The following RORA variants were observed in gnomAD, a reference collection of about 807,000 sequenced individuals.
RORA encodes the protein nuclear receptor ROR-alpha.
RORA carries 7 observed loss-of-function variants against 69.5 expected under a neutral mutation model. The ratio of observed to expected loss-of-function variants is 0.10; its 90% CI spans 0.06 to 0.19. The LOEUF (loss-of-function observed/expected upper bound fraction) is 0.19. Ranked by LOEUF, RORA falls within the 10% of genes least tolerant of loss-of-function variation. The pLI, the probability that RORA is intolerant of heterozygous loss-of-function variation, is 1.00. For missense variants in RORA, 457 were observed against 663.0 expected, an observed-to-expected ratio of 0.69 and a Z score of 3.41; for synonymous variants, 261 against 240.8, an observed-to-expected ratio of 1.08 and a Z score of -0.78.
At position 60,597,597 on chromosome 15, in the gene RORA, CATATAT is replaced by C. The variant is rs1213736725; in HGVS notation, c.197-65752_197-65747del. 2.0e-3 allele frequency among the ~76,000 whole-genome samples: 62 copies of C among 31,360 alleles called. 14 individuals carry two copies. The highest frequency in any genetic ancestry group is 3.5e-3 in the Admixed American group (7 of 2,020). 20.6% of individuals were successfully genotyped at this position (31,360 alleles called of 152,430 possible). A position where few individuals can be genotyped will look rare whatever the true frequency, so the allele number is the denominator to read the frequency against. On this transcript the variant is annotated intron_variant, in intron 2 of 10. Coordinates refer to ENST00000335670, the MANE Select transcript of RORA (RefSeq NM_134261.3). ...ATACACATATATATATATATATACA[CATATAT>C]ATATATATATATATACATACATATA...
At chr15:60,652,477 G>A (rs1424621466) in intron 2 of RORA, among the ~76,000 whole-genome samples, 2 of 152,152 alleles carry the variant, frequency 1.3e-5, no homozygotes, top group African/African-American at 2.4e-5. Flanking sequence ...CGGATGCAGG[G>A]TGGTAGATCC....
At chr15:60,889,756 C>T (rs903034423) in intron 1 of RORA, among the ~76,000 whole-genome samples, 2 of 152,228 alleles carry the variant, frequency 1.3e-5, no homozygotes, top group Admixed American at 1.3e-4. Context: ...GTTTCCACCT[C>T]CTCCCCTTCA....
At chr15:60,828,580 A>C (rs1471018879) in intron 1 of RORA, among the ~76,000 whole-genome samples, 1 of 152,156 alleles carries the variant, frequency 6.6e-6, no homozygotes, top group Admixed American at 6.5e-5. Flanking sequence ...GGGAGAGTGC[A>C]CCACTCTGCC....
intron 1 of RORA, among the ~76,000 whole-genome samples, chr15:61,132,174 A>G (rs921730174): frequency 6.6e-6 from 1 of 152,270 alleles, no homozygotes; most frequent in Non-Finnish European, 1.5e-5. Flanking sequence ...AGGGGTTTAC[A>G]GAAACAGTAT....
Position 60,536,069 on chromosome 15 carries a change from T to C in RORA, c.197-4218A>G, listed in dbSNP as rs1263956936. ...AACCATCAACCTTCTAGGCCACTGA[T>C]CTCAGTTTCACAAAATTCTGGTTAG... On this transcript the variant is annotated intron_variant, in intron 2 of 10. Coordinates refer to ENST00000335670, the MANE Select transcript of RORA (RefSeq NM_134261.3). 2.6e-5 allele frequency among the ~76,000 whole-genome samples: 4 copies of C among 152,202 alleles called. No homozygotes were observed. The East Asian group carries it at 7.7e-4, about 29-fold the overall frequency.
chr15:61,219,982 C>A (rs1055702306), intron 1 of RORA, among the ~76,000 whole-genome samples: 15 of 152,186 alleles, frequency 9.9e-5, no homozygotes, highest in African/African-American at 3.4e-4. Context: ...CCTCACCAAT[C>A]CTTGACTGTC....
chr15:61,038,122 C>G (rs1253040319), intron 1 of RORA, among the ~76,000 whole-genome samples: 1 of 152,104 alleles, frequency 6.6e-6, no homozygotes, highest in Non-Finnish European at 1.5e-5. Flanking sequence ...GAGAAAGAGT[C>G]CTAGAAATAC....
At chr15:61,073,430 G>GCTTA (rs1233040142) in intron 1 of RORA, among the ~76,000 whole-genome samples, 1 of 152,158 alleles carries the variant, frequency 6.6e-6, no homozygotes, top group African/African-American at 2.4e-5. Flanking sequence ...GGGCAGTGAA[G>GCTTA]CTTATCTAGG....
chr15:60,859,656 T>C (rs986483539), intron 1 of RORA, among the ~76,000 whole-genome samples: 2 of 112,552 alleles, frequency 1.8e-5, no homozygotes, highest in African/African-American at 5.8e-5. Context: ...TCTTTCTTTC[T>C]TTTTTTTTTT....
At chr15:60,981,560 T>C (rs1225830493) in intron 1 of RORA, among the ~76,000 whole-genome samples, 1 of 152,132 alleles carries the variant, frequency 6.6e-6, no homozygotes, top group Non-Finnish European at 1.5e-5. Flanking sequence ...TCATTCTTTC[T>C]TTGGTCTGTT....
intron 1 of RORA, among the ~76,000 whole-genome samples, chr15:61,104,180 T>C (rs1338370915): frequency 6.6e-6 from 1 of 152,210 alleles, no homozygotes; most frequent in Non-Finnish European, 1.5e-5. Context: ...CGGTCAGCTA[T>C]GCACAAAATA....
chr15:61,047,160 G>T (rs927451613), intron 1 of RORA, among the ~76,000 whole-genome samples: 1 of 152,212 alleles, frequency 6.6e-6, no homozygotes, highest in Non-Finnish European at 1.5e-5. Context: ...ACCACAGAGG[G>T]CCTTCTTTGA....
At chr15:60,821,711 C>T (rs1317182838) in intron 1 of RORA, among the ~76,000 whole-genome samples, 20 of 152,192 alleles carry the variant, frequency 1.3e-4, no homozygotes, top group Non-Finnish European at 1.0e-4. Flanking sequence ...TTACTGAGTG[C>T]TTACTATGTG....
chr15:60,829,578 C>A (rs2073013157), intron 1 of RORA, among the ~76,000 whole-genome samples: 1 of 152,158 alleles, frequency 6.6e-6, no homozygotes, highest in African/African-American at 2.4e-5. Flanking sequence ...TCATCTGTTC[C>A]TTACATGGTA....
At position 61,131,829 on chromosome 15, in the gene RORA, G is replaced by A. The variant is rs1250872194; in HGVS notation, c.166+97224C>T. Among the ~76,000 whole-genome samples, 1 of 152,206 alleles carries A rather than the reference G, an allele frequency of 6.6e-6. No homozygotes were observed. The highest frequency in any genetic ancestry group is 1.5e-5 in the Non-Finnish European group (1 of 68,036). Reference sequence around the variant, plus strand: ...TCCAGTTCTGCCACCAAACGGATGTGTAACTCTAAGCAAGTCATTTCTCCT... The same window carrying A: ...TCCAGTTCTGCCACCAAACGGATGTATAACTCTAAGCAAGTCATTTCTCCT... On this transcript the variant is annotated intron_variant, in intron 1 of 10. Transcript: ENST00000335670. The surrounding 1 kb of genome is among the most constrained non-coding windows in gnomAD (Gnocchi z 4.2).
At chr15:60,704,892 C>T (rs1394627080) in intron 1 of RORA, among the ~76,000 whole-genome samples, 1 of 152,194 alleles carries the variant, frequency 6.6e-6, no homozygotes, top group East Asian at 1.9e-4. Flanking sequence ...CACGACATCA[C>T]ATTGCTCCCC....
At chr15:60,826,111 G>A (rs535055791) in intron 1 of RORA, among the ~76,000 whole-genome samples, 1 of 152,304 alleles carries the variant, frequency 6.6e-6, no homozygotes, top group South Asian at 2.1e-4. Flanking sequence ...TATGGGAAAG[G>A]AACACTGGAT....
intron 1 of RORA, among the ~76,000 whole-genome samples, chr15:61,162,470 G>A (rs1196927258): frequency 6.6e-6 from 1 of 152,152 alleles, no homozygotes; most frequent in East Asian, 1.9e-4. Flanking sequence ...GCTGCCAGTA[G>A]GGGCATTTCT....
chr15:60,759,207 T>C (rs2071847092), intron 1 of RORA, among the ~76,000 whole-genome samples: 1 of 152,160 alleles, frequency 6.6e-6, no homozygotes, highest in Non-Finnish European at 1.5e-5. Context: ...TGCTAAGAAA[T>C]ATTCCCCAAG....
Sources: allele counts gnomAD v4.1 joint callset (sites outside exome capture counted in the v4.1 genomes callset), GRCh38; gene constraint gnomAD v4.1.1; non-coding constraint Gnocchi (gnomAD v3.1); transcripts MANE v1.5; gene names NCBI Gene and HGNC (gene_info 2026-07-23, HGNC 2026-07-21).